The following KAZN variants were observed in gnomAD, a reference collection of about 807,000 sequenced individuals.
KAZN encodes kazrin.
Under a neutral mutation model 87.4 loss-of-function variants are expected in KAZN, and 40 were observed. That is an observed-to-expected ratio of 0.46 (90% CI 0.36 to 0.60). The LOEUF is 0.60. Among genes scored for constraint, KAZN ranks in the 20% least tolerant of loss-of-function variants. The pLI is 0.00. For synonymous variants in KAZN, 466 were observed against 458.3 expected, an observed-to-expected ratio of 1.02 and a Z score of -0.22; for missense variants, 898 against 1,073.9, an observed-to-expected ratio of 0.84 and a Z score of 2.29.
intron 4 of KAZN, among the ~76,000 whole-genome samples, chr1:15,053,019 A>G (rs145611187): frequency 6.8e-4 from 104 of 152,282 alleles, no homozygotes; most frequent in Non-Finnish European, 1.2e-3. Context: ...GGCTTGTACA[A>G]TCCTGTGCTT....
Position 14,923,380 on chromosome 1 carries a change from G to T in KAZN, c.227-37304G>T, listed in dbSNP as rs1484649873. Among the ~76,000 whole-genome samples the T allele has an allele frequency of 1.3e-5, 2 of 152,198 alleles. No individual in the cohort carries two copies. Among genetic ancestry groups the T allele is most frequent in the East Asian group, 3.9e-4 (2 of 5,188 alleles). ...GCCAGCCTGAACACCCACTCCAGCGGGTGGGTTCTGTTGTGCAGACCCTCC... is the reference window on the plus strand; with the variant it reads ...GCCAGCCTGAACACCCACTCCAGCGTGTGGGTTCTGTTGTGCAGACCCTCC... On this transcript the variant is annotated intron_variant, in intron 1 of 14. Coordinates refer to ENST00000376030, the MANE Select transcript of KAZN (RefSeq NM_201628.3). This position sits in a 1 kb window ranked among gnomAD's most constrained non-coding sequence, Gnocchi z 4.2.
At chr1:14,531,929 C>A (rs1672230339) in intron 2 of KAZN, among the ~76,000 whole-genome samples, 1 of 152,130 alleles carries the variant, frequency 6.6e-6, no homozygotes. Context: ...GGAGAGAGGA[C>A]CAAGGTAGGG....
intron 2 of KAZN, among the ~76,000 whole-genome samples, chr1:14,355,518 C>T (rs888285459): frequency 6.6e-6 from 1 of 151,960 alleles, no homozygotes; most frequent in Non-Finnish European, 1.5e-5. Flanking sequence ...TGGTGGTTTG[C>T]TGCAACCATC....
chr1:14,953,107 G>C (rs1265735579), intron 1 of KAZN, among the ~76,000 whole-genome samples: 1 of 152,254 alleles, frequency 6.6e-6, no homozygotes, highest in Admixed American at 6.5e-5. Flanking sequence ...CATGGTGTCG[G>C]GTGTTGGGTG....
intron 8 of KAZN, among the ~76,000 whole-genome samples, chr1:15,072,659 A>G (rs181936977): frequency 1.8e-3 from 274 of 152,310 alleles, no homozygotes; most frequent in Middle Eastern, 6.8e-3. Context: ...TCCAAAATAC[A>G]TGTCATCCCC....
intron 2 of KAZN, among the ~76,000 whole-genome samples, chr1:14,417,175 C>T (rs1465067108): frequency 1.6e-5 from 2 of 127,488 alleles, no homozygotes; most frequent in African/African-American, 6.2e-5. Context: ...CAGACTCTGT[C>T]TCAAAATAAA....
intron 2 of KAZN, among the ~76,000 whole-genome samples, chr1:14,280,448 C>T (rs553568221): frequency 9.4e-5 from 14 of 148,840 alleles, no homozygotes; most frequent in Non-Finnish European, 1.9e-4. Context: ...GACTGGTGTC[C>T]TTAAGGGGAA....
intron 1 of KAZN, among the ~76,000 whole-genome samples, chr1:14,779,642 G>A (rs1645275230): frequency 6.6e-6 from 1 of 152,206 alleles, no homozygotes; most frequent in Non-Finnish European, 1.5e-5. Flanking sequence ...ATTATCTGCT[G>A]TGCACTTTGT....
At chr1:14,742,991 A>G (rs1347050083) in intron 1 of KAZN, among the ~76,000 whole-genome samples, 1 of 152,178 alleles carries the variant, frequency 6.6e-6, no homozygotes. Context: ...TAGACCCATA[A>G]GATGTGCCGC....
chr1:14,549,850 G>A (rs543875102), intron 2 of KAZN, among the ~76,000 whole-genome samples: 1 of 152,290 alleles, frequency 6.6e-6, no homozygotes, highest in African/African-American at 2.4e-5. Flanking sequence ...CAGCAGCCAT[G>A]GCTTTAGCCC....
intron 1 of KAZN, among the ~76,000 whole-genome samples, chr1:14,717,344 C>T (rs1642848283): frequency 6.6e-6 from 1 of 152,008 alleles, no homozygotes; most frequent in African/African-American, 2.4e-5. Flanking sequence ...ATTCTGTATT[C>T]TAGCTGGAAA....
intron 1 of KAZN, among the ~76,000 whole-genome samples, chr1:14,155,636 T>TTTC (rs369190328): frequency 0.028 from 4,242 of 151,548 alleles, 163 homozygotes; most frequent in African/African-American, 0.085. Context: ...ATTTGGTATT[T>TTTC]TTCTTCTTCT....
rs553159878 is a variant in KAZN at position 14,171,497 on chromosome 1, A to G, written c.92-8938A>G. On this transcript the variant is annotated intron_variant, in intron 1 of 16. Coordinates refer to the KAZN transcript ENST00000636203. ...TGAGTTTTATTATAATAATGGGGGGAAAATCTGAATTATTTAGGCTTCATT... is the reference window on the plus strand; with the variant it reads ...TGAGTTTTATTATAATAATGGGGGGGAAATCTGAATTATTTAGGCTTCATT... 7.9e-5 allele frequency among the ~76,000 whole-genome samples: 12 copies of G among 152,280 alleles called. No homozygotes were observed. The South Asian group carries it at 1.7e-3, about 21-fold the overall frequency.
intron 2 of KAZN, among the ~76,000 whole-genome samples, chr1:14,207,898 G>A (rs1359709218): frequency 6.6e-6 from 1 of 152,244 alleles, no homozygotes; most frequent in Non-Finnish European, 1.5e-5. Flanking sequence ...GAGGGCCCAT[G>A]CTGGCTGATG....
intron 1 of KAZN, among the ~76,000 whole-genome samples, chr1:14,609,173 T>G (rs1425443743): frequency 1.3e-5 from 2 of 152,238 alleles, no homozygotes; most frequent in Non-Finnish European, 2.9e-5. Flanking sequence ...TAAAGTTTAC[T>G]ATGTAAAGCA....
At chr1:14,492,135 G>A (rs904942514) in intron 2 of KAZN, among the ~76,000 whole-genome samples, 1 of 152,098 alleles carries the variant, frequency 6.6e-6, no homozygotes, top group Non-Finnish European at 1.5e-5. Context: ...ATCCTAGAAG[G>A]GCCTGACCAG....
chr1:14,395,445 T>C (rs1472344201), intron 2 of KAZN, among the ~76,000 whole-genome samples: 3 of 152,122 alleles, frequency 2.0e-5, no homozygotes, highest in Non-Finnish European at 4.4e-5. Context: ...CTGGGGCTCT[T>C]ACCACCGCCA....
intron 1 of KAZN, among the ~76,000 whole-genome samples, chr1:14,137,585 A>T (rs1281480146): frequency 6.6e-6 from 1 of 152,172 alleles, no homozygotes; most frequent in East Asian, 1.9e-4. Context: ...CATCTGCAAA[A>T]TAAGAATGAT....
At chr1:14,123,419 C>T (rs1430511018) in intron 1 of KAZN, among the ~76,000 whole-genome samples, 1 of 152,188 alleles carries the variant, frequency 6.6e-6, no homozygotes, top group African/African-American at 2.4e-5. Flanking sequence ...GGACCATTCC[C>T]TCCTAGCATC....
Sources: gnomAD v4.1 joint callset for allele counts (sites outside exome capture counted in the v4.1 genomes callset) on GRCh38, gnomAD v4.1.1 for gene constraint, Gnocchi (gnomAD v3.1) non-coding constraint, MANE v1.5 for transcripts, NCBI Gene and HGNC (gene_info 2026-07-23, HGNC 2026-07-21) for gene names.